ELAVL4: variants seen among roughly 807,000 people sequenced by gnomAD.
The protein encoded by ELAVL4 is ELAV-like protein 4.
Under a neutral mutation model 35.6 loss-of-function variants are expected in ELAVL4, and 1 was observed. The observed-to-expected ratio is 0.03, with a 90% CI of 0.01 to 0.13. The LOEUF is 0.13. Among genes scored for constraint, ELAVL4 ranks in the 10% least tolerant of loss-of-function variants. ELAVL4 has a pLI of 1.00. For synonymous variants in ELAVL4, 156 were observed against 171.0 expected, an observed-to-expected ratio of 0.91 and a Z score of 0.69; for missense variants, 267 against 464.9, an observed-to-expected ratio of 0.57 and a Z score of 3.91.
chr1:50,144,315 T>C (rs2148687005), intron 1 of ELAVL4, among the ~76,000 whole-genome samples: 1 of 152,210 alleles, frequency 6.6e-6, no homozygotes, highest in South Asian at 2.1e-4. Context: ...TGCCTCCATG[T>C]TTTTTGTTTT....
chr1:50,133,655 A>AAGAAAGAAAG (rs1557755658), intron 1 of ELAVL4, among the ~76,000 whole-genome samples: 96 of 127,072 alleles, frequency 7.6e-4, no homozygotes, highest in African/African-American at 2.1e-3. Flanking sequence ...AAGAAAGAGA[A>AAGAAAGAAAG]AGAAAGAAAG....
chr1:50,173,577 C>A (rs766429296), intron 2 of ELAVL4, among the ~76,000 whole-genome samples: 3 of 152,192 alleles, frequency 2.0e-5, no homozygotes, highest in Admixed American at 6.5e-5. Context: ...GTCACCTGGG[C>A]ACCAAGGGGC....
intron 2 of ELAVL4, among the ~76,000 whole-genome samples, chr1:50,155,744 G>C (rs949106969): frequency 1.3e-5 from 2 of 152,122 alleles, no homozygotes; most frequent in South Asian, 4.2e-4. Context: ...CGTCTTTCTC[G>C]TGAGGGTTTC....
chr1:50,106,338 G>A (rs1666303515), upstream of ELAVL4: 2 of 1,613,726 alleles, frequency 1.2e-6, no homozygotes, highest in East Asian at 2.2e-5. Flanking sequence ...ACTGATATGA[G>A]ATTACTTCTT....
intron 3 of ELAVL4, among the ~76,000 whole-genome samples, chr1:50,186,288 TGAGA>T (rs943665711): frequency 1.3e-5 from 2 of 152,190 alleles, no homozygotes; most frequent in Admixed American, 6.5e-5. Context: ...TCATTTCACT[TGAGA>T]GAGCATTTTT....
intron 1 of ELAVL4, among the ~76,000 whole-genome samples, chr1:50,054,383 C>G (rs1040450351): frequency 6.6e-6 from 1 of 152,140 alleles, no homozygotes; most frequent in African/African-American, 2.4e-5. Context: ...TTGTCACTCC[C>G]ATCTTGCCAG....
chr1:50,166,566 A>G (rs1387265511), intron 2 of ELAVL4, among the ~76,000 whole-genome samples: 1 of 152,198 alleles, frequency 6.6e-6, no homozygotes, highest in Non-Finnish European at 1.5e-5. Flanking sequence ...TGCCTTCAGC[A>G]AGCACCTCAG....
In ELAVL4 at chr1:50,202,638, A is replaced by G. The variant is rs1195845148; in HGVS notation, c.*1460A>G. 6.6e-6 allele frequency: 1 copy of G among 151,996 alleles called. No homozygotes were observed. The highest frequency in any genetic ancestry group is 1.5e-5 in the Non-Finnish European group (1 of 67,970). The allele number at this position is 151,996 out of a possible 1,614,324, so 9.4% of individuals were successfully genotyped here. A position where few individuals can be genotyped will look rare whatever the true frequency, so the allele number is the denominator to read the frequency against. Reference sequence around the variant, plus strand: ...ATGGGAAGAAGCATATTATTGTGTCATTCTGTTGTGTGTGTATGTGTATAT... The same window carrying G: ...ATGGGAAGAAGCATATTATTGTGTCGTTCTGTTGTGTGTGTATGTGTATAT... On this transcript the variant is annotated 3_prime_UTR_variant, in exon 7 of 7. Transcript: ENST00000371824.
chr1:50,151,626 A>G (rs1674806876), intron 2 of ELAVL4, among the ~76,000 whole-genome samples: 1 of 152,204 alleles, frequency 6.6e-6, no homozygotes, highest in African/African-American at 2.4e-5. Flanking sequence ...GTGATTAGTG[A>G]TGGGAAGAGT....
rs192477841 is a variant in ELAVL4, at chr1:50,171,402, C to T, written c.251-5687C>T. On this transcript the variant is annotated intron_variant, in intron 2 of 6. Coordinates refer to ENST00000371824, the MANE Select transcript of ELAVL4 (RefSeq NM_001144774.3). ...TTCATTCAAATCCTAGCCTCAGAGC[C>T]TACTTGCTGGTTGACTTCAGACAGA... Among the ~76,000 whole-genome samples, 15 of 152,308 alleles carry T rather than the reference C, an allele frequency of 9.8e-5. No individual in the cohort carries two copies. In the East Asian group the frequency reaches 2.5e-3, roughly 25 times the overall value.
intron 1 of ELAVL4, among the ~76,000 whole-genome samples, chr1:50,089,206 C>G (rs1368257917): frequency 6.6e-6 from 1 of 152,130 alleles, no homozygotes; most frequent in East Asian, 1.9e-4. Context: ...CTTATCATTA[C>G]AGTGTGAAAA....
chr1:50,107,489 C>T (rs1471553646), upstream of ELAVL4, among the ~76,000 whole-genome samples: 3 of 152,076 alleles, frequency 2.0e-5, no homozygotes, highest in Non-Finnish European at 4.4e-5. Flanking sequence ...GCATCTTGGA[C>T]AGAATAGTTT....
intron 2 of ELAVL4, 29 bp from the exon 3 acceptor site, chr1:50,177,060 T>TTC: frequency 6.4e-7 from 1 of 1,562,022 alleles, no homozygotes; most frequent in Non-Finnish European, 8.8e-7. Flanking sequence ...CTCTCTCCCT[T>TTC]TCTCTCTCTC....
At chr1:50,052,174 T>A (rs1663420224) in intron 1 of ELAVL4, among the ~76,000 whole-genome samples, 1 of 152,228 alleles carries the variant, frequency 6.6e-6, no homozygotes, top group Non-Finnish European at 1.5e-5. Context: ...AGTAAAAAGC[T>A]GTATTGATTC....
At chr1:50,197,640 T>C in intron 6 of ELAVL4, 173 bp downstream of exon 6, 1 of 556,150 alleles carries the variant, frequency 1.8e-6, no homozygotes, top group Non-Finnish European at 3.0e-6. Context: ...TTTGTTTCTT[T>C]TAGGGCACAC....
intron 1 of ELAVL4, among the ~76,000 whole-genome samples, chr1:50,065,634 G>A (rs1339129215): frequency 6.6e-6 from 1 of 152,082 alleles, no homozygotes; most frequent in East Asian, 1.9e-4. Context: ...ATTGTTACTT[G>A]TATCAGTTAC....
intron 1 of ELAVL4, among the ~76,000 whole-genome samples, chr1:50,065,843 T>C (rs1350500818): frequency 6.6e-6 from 1 of 152,198 alleles, no homozygotes; most frequent in Non-Finnish European, 1.5e-5. Flanking sequence ...GGCTATAGGC[T>C]ATCTAAGGAT....
intron 2 of ELAVL4, among the ~76,000 whole-genome samples, chr1:50,154,807 C>T (rs1675430491): frequency 6.7e-6 from 1 of 148,288 alleles, no homozygotes; most frequent in South Asian, 2.1e-4. Context: ...CCTCTTTCTG[C>T]CTTCTTGTTT....
chr1:50,135,415 G>A (rs568392204), intron 1 of ELAVL4, among the ~76,000 whole-genome samples: 10 of 152,192 alleles, frequency 6.6e-5, no homozygotes, highest in Admixed American at 1.3e-4. Context: ...TGCTGAGGAG[G>A]GGGTGTCATT....
Sources: gnomAD v4.1 joint callset for allele counts (sites outside exome capture counted in the v4.1 genomes callset) on GRCh38, gnomAD v4.1.1 for gene constraint, MANE v1.5 for transcripts, NCBI Gene and HGNC (gene_info 2026-07-23, HGNC 2026-07-21) for gene names.